The following TOX2 variants were observed in gnomAD, a reference collection of about 807,000 sequenced individuals.
TOX2 encodes granulosa cell HMG box 1.
A neutral mutation model predicts 47.4 loss-of-function variants in TOX2; 15 were observed. The observed-to-expected ratio is 0.32, with a 90% confidence interval of 0.21 to 0.49. The LOEUF (loss-of-function observed/expected upper bound fraction) is 0.49. Among genes scored for constraint, TOX2 ranks in the 20% least tolerant of loss-of-function variants. The pLI, the probability that TOX2 is intolerant of heterozygous loss-of-function variation, is 0.99. For missense variants in TOX2, 622 were observed against 673.1 expected (o/e 0.92, Z 0.84); for synonymous variants, 290 against 296.6 (o/e 0.98, Z 0.23).
chr20:43,956,296 C>G (rs1206627506), intron 1 of TOX2, among the ~76,000 whole-genome samples: 1 of 152,180 alleles, frequency 6.6e-6, no homozygotes, highest in Non-Finnish European at 1.5e-5. Context: ...GTGGCTCAGG[C>G]CTGTAATCAG....
At chr20:43,957,360 A>G (rs766301041) in intron 1 of TOX2, among the ~76,000 whole-genome samples, 1 of 152,244 alleles carries the variant, frequency 6.6e-6, no homozygotes, top group Non-Finnish European at 1.5e-5. Context: ...GACAAAATAT[A>G]GTAGCTGTTA....
intron 2 of TOX2, among the ~76,000 whole-genome samples, chr20:43,982,531 A>G (rs749023130): frequency 1.3e-4 from 20 of 152,086 alleles, no homozygotes; most frequent in Non-Finnish European, 2.6e-4. Context: ...CACCTTATTC[A>G]GAGTGGGACG....
chr20:44,031,407 A>G (rs1455406761), intron 3 of TOX2, among the ~76,000 whole-genome samples: 1 of 152,182 alleles, frequency 6.6e-6, no homozygotes, highest in African/African-American at 2.4e-5. Flanking sequence ...CAAGTGGGTG[A>G]GCGCATTAGT....
At chr20:44,066,599 C>A (rs549802003) in intron 7 of TOX2, 131 bp from the exon 8 acceptor site, 4 of 1,387,966 alleles carry the variant, frequency 2.9e-6, no homozygotes, top group South Asian at 2.4e-5. Context: ...GGGAGCAAGG[C>A]AGCAGCCCTG....
At chr20:43,927,849 G>A (rs1293233213) in intron 1 of TOX2, among the ~76,000 whole-genome samples, 1 of 142,414 alleles carries the variant, frequency 7.0e-6, no homozygotes, top group African/African-American at 2.6e-5. Context: ...CTGTATGCAA[G>A]GCTTTGTGGT....
chr20:44,041,602 C>T (rs908491216), intron 3 of TOX2, among the ~76,000 whole-genome samples: 7 of 152,174 alleles, frequency 4.6e-5, no homozygotes, highest in East Asian at 1.9e-4. Context: ...GAAGTGGGCG[C>T]TCTCATCCCC....
intron 2 of TOX2, among the ~76,000 whole-genome samples, chr20:43,998,880 C>A (rs1199350731): frequency 6.6e-6 from 1 of 152,170 alleles, no homozygotes; most frequent in Non-Finnish European, 1.5e-5. Flanking sequence ...CTGTCTCAGC[C>A]TCCTGAGTAG....
At chr20:44,029,496 T>C (rs1384357875) in intron 3 of TOX2, among the ~76,000 whole-genome samples, 1 of 152,132 alleles carries the variant, frequency 6.6e-6, no homozygotes, top group African/African-American at 2.4e-5. Context: ...ACCTCACCTC[T>C]TGGAGGCTCC....
chr20:43,949,293 G>A (rs569737164), intron 1 of TOX2, among the ~76,000 whole-genome samples: 23 of 152,230 alleles, frequency 1.5e-4, no homozygotes, highest in African/African-American at 3.9e-4. Context: ...ACTTCTCCCC[G>A]CTTCACTATT....
At chr20:43,992,163 G>T (rs2070379527) in intron 2 of TOX2, among the ~76,000 whole-genome samples, 1 of 152,186 alleles carries the variant, frequency 6.6e-6, no homozygotes, top group South Asian at 2.1e-4. Flanking sequence ...CCAGCACCAA[G>T]GCCCCGCAGT....
intron 3 of TOX2, among the ~76,000 whole-genome samples, chr20:44,050,021 G>A (rs1291503806): frequency 6.6e-6 from 1 of 152,082 alleles, no homozygotes; most frequent in East Asian, 1.9e-4. Flanking sequence ...GGGATTGCTG[G>A]GTCAAATGGT....
chr20:43,971,967 T>G (rs912253409), intron 1 of TOX2, among the ~76,000 whole-genome samples: 1 of 152,146 alleles, frequency 6.6e-6, no homozygotes, highest in African/African-American at 2.4e-5. Context: ...TGGGGTGGTG[T>G]TGCTTTTTGT....
chr20:44,068,684 T>A lies in TOX2; in HGVS notation c.1519T>A (p.Ter507LysextTer18). The change falls in exon 9 of 9, where the codon TAA becomes AAA. Residue 507 changes from the stop codon to lysine (K), a stop_lost. Coordinates refer to ENST00000341197, the MANE Select transcript of TOX2 (RefSeq NM_001098797.2). ...CAGGGACAAATCGCTCTACCTCACC[T>A]AATCCCGCCTCCCTACCATCCCTGA... ...LPRDKSLYLT* is the reference protein window; with the variant it reads ...LPRDKSLYLTK 1 of 1,614,028 alleles carries A rather than the reference T, an allele frequency of 6.2e-7. No homozygotes were observed. Among genetic ancestry groups the A allele is most frequent in the Non-Finnish European group, 8.5e-7 (1 of 1,179,964 alleles).
chr20:43,943,650 A>G (rs1486504495), intron 1 of TOX2, among the ~76,000 whole-genome samples: 1 of 151,850 alleles, frequency 6.6e-6, no homozygotes, highest in African/African-American at 2.4e-5. Context: ...GGGAACAACA[A>G]AAAAAAAGTT....
intron 3 of TOX2, among the ~76,000 whole-genome samples, chr20:44,033,668 G>A (rs1169954569): frequency 1.3e-5 from 2 of 150,120 alleles, no homozygotes; most frequent in African/African-American, 4.9e-5. Flanking sequence ...AAGGCATGAG[G>A]ATACGGTTCA....
chr20:43,933,403 T>C (rs1170814776), intron 1 of TOX2, among the ~76,000 whole-genome samples: 2 of 152,218 alleles, frequency 1.3e-5, no homozygotes, highest in Non-Finnish European at 2.9e-5. Context: ...AGCACCTGAA[T>C]CACATGAGGG....
intron 3 of TOX2, among the ~76,000 whole-genome samples, chr20:44,017,565 G>A (rs190537903): frequency 3.0e-4 from 46 of 152,288 alleles, no homozygotes; most frequent in Non-Finnish European, 5.7e-4. Flanking sequence ...CTTGGCCTTT[G>A]GAGGTCAAGA....
chr20:44,053,467 CACACAT>C (rs1357833705), intron 4 of TOX2, among the ~76,000 whole-genome samples: 4 of 149,112 alleles, frequency 2.7e-5, no homozygotes, highest in East Asian at 1.9e-4. Flanking sequence ...CACACACACA[CACACAT>C]ATATATATAC....
intron 2 of TOX2, among the ~76,000 whole-genome samples, chr20:43,986,616 A>G (rs1389193154): frequency 6.6e-6 from 1 of 152,094 alleles, no homozygotes; most frequent in Non-Finnish European, 1.5e-5. Context: ...TCCCACCGAA[A>G]CGGAGAATAT....
Sources: gnomAD v4.1 joint callset for allele counts (sites outside exome capture counted in the v4.1 genomes callset) on GRCh38, gnomAD v4.1.1 for gene constraint, MANE v1.5 for transcripts, NCBI Gene and HGNC (gene_info 2026-07-23, HGNC 2026-07-21) for gene names.